PBX3: variants seen among roughly 807,000 people sequenced by gnomAD.
PBX3 encodes the protein pre-B-cell leukemia transcription factor 3.
A neutral mutation model predicts 48.5 loss-of-function variants in PBX3; 14 were observed. The observed-to-expected ratio is 0.29, with a 90% CI of 0.19 to 0.45. The LOEUF is 0.45. Among genes scored for constraint, PBX3 ranks in the 20% least tolerant of loss-of-function variants. The probability of loss-of-function intolerance (pLI) is 1.00; values close to 1 mark genes in which losing one functional copy is unlikely to be tolerated. For synonymous variants in PBX3, 210 were observed against 200.3 expected (o/e 1.05, Z -0.41); for missense variants, 386 against 546.7 (o/e 0.71, Z 2.93).
intron 2 of PBX3, among the ~76,000 whole-genome samples, chr9:125,890,064 G>A (rs181443946): frequency 7.9e-4 from 121 of 152,216 alleles, no homozygotes; most frequent in South Asian, 1.7e-3. Flanking sequence ...GAACCTCTCC[G>A]TGGTCCCAAA....
In PBX3 at chr9:125,872,603, T is replaced by A. The variant is rs577957710; in HGVS notation, c.275-43083T>A. ...GCGAGACCCCCATCTCACAAAAAAA[T>A]TTTAAAAATAGCCAGATGTGGTGGC... On this transcript the variant is annotated intron_variant, in intron 2 of 8. Coordinates refer to ENST00000373489, the MANE Select transcript of PBX3 (RefSeq NM_006195.6). 4.0e-5 allele frequency among the ~76,000 whole-genome samples: 6 copies of A among 151,410 alleles called. No homozygotes were observed. The South Asian group carries it at 8.4e-4, about 21-fold the overall frequency.
At chr9:125,877,585 G>A (rs144447377) in intron 2 of PBX3, among the ~76,000 whole-genome samples, 155 of 151,982 alleles carry the variant, frequency 1.0e-3, no homozygotes, top group African/African-American at 3.5e-3. Flanking sequence ...TTTTTATACC[G>A]CTATATAATC....
At chr9:125,854,832 C>T (rs141944754) in intron 2 of PBX3, among the ~76,000 whole-genome samples, 3 of 152,166 alleles carry the variant, frequency 2.0e-5, no homozygotes, top group Admixed American at 6.5e-5. Context: ...TCCAAACTCC[C>T]AGTTTTGCTA....
intron 2 of PBX3, among the ~76,000 whole-genome samples, chr9:125,890,849 C>T (rs531623347): frequency 6.6e-6 from 1 of 152,226 alleles, no homozygotes; most frequent in African/African-American, 2.4e-5. Flanking sequence ...TTTAGATTAA[C>T]AAAACAGTTC....
chr9:125,829,857 A>G (rs73667094), intron 2 of PBX3, among the ~76,000 whole-genome samples: 4,064 of 152,248 alleles, frequency 0.027, 210 homozygotes, highest in African/African-American at 0.092. Flanking sequence ...AGCATCCCTT[A>G]CCGACATCTG....
chr9:125,818,755 A>C (rs1340152427), intron 2 of PBX3, among the ~76,000 whole-genome samples: 4 of 152,058 alleles, frequency 2.6e-5, no homozygotes, highest in Non-Finnish European at 5.9e-5. Context: ...AGCTTCCCAA[A>C]GTGTTAGGAT....
At chr9:125,747,758 C>T in intron 1 of PBX3, 105 bp downstream of exon 1, 1 of 842,194 alleles carries the variant, frequency 1.2e-6, no homozygotes, top group Non-Finnish European at 1.7e-6. Flanking sequence ...CAGCCCCCGG[C>T]GGGGAACTTT....
Position 125,962,093 on chromosome 9 carries a change from C to G in PBX3, c.1010-9C>G, listed in dbSNP as rs767690116. On this transcript the variant is annotated splice_polypyrimidine_tract_variant and intron_variant, in intron 6 of 8. Transcript: ENST00000373489. ...CTGTTATTCAGCTACTTAACTCTTT[C>G]CTTTCCAGGTTCTTCTGGTTCTTTT... 1 of 1,451,116 alleles carries G rather than the reference C, an allele frequency of 6.9e-7. No individual in the cohort carries two copies. Among genetic ancestry groups the G allele is most frequent in the South Asian group, 1.1e-5 (1 of 87,546 alleles). 89.9% of individuals were successfully genotyped at this position (1,451,116 alleles called of 1,614,324 possible).
chr9:125,789,025 A>C (rs1021249534), intron 2 of PBX3, among the ~76,000 whole-genome samples: 3 of 151,982 alleles, frequency 2.0e-5, no homozygotes, highest in African/African-American at 7.3e-5. Context: ...ATTGTTTCAT[A>C]CTGTTGTTAT....
intron 2 of PBX3, among the ~76,000 whole-genome samples, chr9:125,812,665 A>C (rs1427785302): frequency 6.6e-6 from 1 of 152,210 alleles, no homozygotes; most frequent in East Asian, 1.9e-4. Flanking sequence ...ATTTTGAGAA[A>C]CTCATCATCA....
intron 5 of PBX3, among the ~76,000 whole-genome samples, chr9:125,945,583 C>G (rs1244570850): frequency 6.6e-6 from 1 of 152,152 alleles, no homozygotes; most frequent in Non-Finnish European, 1.5e-5. Flanking sequence ...AGATGGTAAA[C>G]TCGATTTTGG....
chr9:125,778,246 G>A (rs868503890), intron 2 of PBX3, among the ~76,000 whole-genome samples: 19 of 150,236 alleles, frequency 1.3e-4, no homozygotes, highest in Non-Finnish European at 2.4e-4. Context: ...ACAGGTGTGA[G>A]CCACCGTGCC....
rs1399124401 is a variant in PBX3 at position 125,896,749 on chromosome 9, T to C, written c.275-18937T>C. Among the ~76,000 whole-genome samples, 3 of 152,030 alleles carry C rather than the reference T, an allele frequency of 2.0e-5. No individual in the cohort carries two copies. The East Asian group carries it at 5.8e-4, about 29-fold the overall frequency. On this transcript the variant is annotated intron_variant, in intron 2 of 8. Transcript: ENST00000373489. ...CTGATTGCTGACAAGTTCTTCAATC[T>C]GAACCCATTGCTGTTGTGTCAGCAG... is the stretch of plus-strand genomic sequence containing the variant.
rs1157154810 is a variant in PBX3 at position 125,751,094 on chromosome 9, C to G, written c.274+2471C>G. On this transcript the variant is annotated intron_variant, in intron 2 of 8. Coordinates refer to ENST00000373489, the MANE Select transcript of PBX3 (RefSeq NM_006195.6). ...AACATTGTAGAATATATGTATATTG[C>G]ATAAATATTTTTTAAAAATCATTTT... Among the ~76,000 whole-genome samples the G allele has an allele frequency of 2.0e-5, 3 of 152,132 alleles. No individual in the cohort carries two copies. The South Asian group carries it at 6.2e-4, about 31-fold the overall frequency.
At chr9:125,907,162 C>T (rs73667287) in intron 2 of PBX3, among the ~76,000 whole-genome samples, 5,810 of 151,838 alleles carry the variant, frequency 0.038, 391 homozygotes, top group African/African-American at 0.13. Flanking sequence ...AAGAAGGAAC[C>T]AGAAACTTAG....
chr9:125,864,938 G>A (rs1444227439), intron 2 of PBX3, among the ~76,000 whole-genome samples: 2 of 152,204 alleles, frequency 1.3e-5, no homozygotes, highest in Non-Finnish European at 2.9e-5. Context: ...GGAAAATTGA[G>A]TCTCAGAGAA....
At chr9:125,962,063 G>C (rs1224460595) in intron 6 of PBX3, 39 bp from the exon 7 acceptor site, 6 of 1,012,370 alleles carry the variant, frequency 5.9e-6, no homozygotes, top group African/African-American at 1.6e-5. Context: ...TATGTGTGTA[G>C]CTCTCTGTTA....
At chr9:125,858,598 C>T (rs531741016) in intron 2 of PBX3, among the ~76,000 whole-genome samples, 1 of 147,700 alleles carries the variant, frequency 6.8e-6, no homozygotes, top group Non-Finnish European at 1.5e-5. Context: ...TTTTGGGGAC[C>T]CTACTTTTGA....
At chr9:125,807,735 C>T (rs1302300652) in intron 2 of PBX3, among the ~76,000 whole-genome samples, 2 of 151,896 alleles carry the variant, frequency 1.3e-5, no homozygotes, top group African/African-American at 4.8e-5. Flanking sequence ...GTTCATCAAA[C>T]TTCTCTTATT....
Sources: allele counts gnomAD v4.1 joint callset (sites outside exome capture counted in the v4.1 genomes callset), GRCh38; gene constraint gnomAD v4.1.1; transcripts MANE v1.5; gene names NCBI Gene and HGNC (gene_info 2026-07-23, HGNC 2026-07-21).